SLC4A4: variants seen among roughly 807,000 people sequenced by gnomAD.
SLC4A4 encodes solute carrier family 4 member 4, also known as electrogenic sodium bicarbonate cotransporter 1.
A neutral mutation model predicts 111.5 loss-of-function variants in SLC4A4; 27 were observed. That is an observed-to-expected ratio of 0.24 (90% CI 0.18 to 0.33). SLC4A4 has a LOEUF of 0.33. Ranked by LOEUF, SLC4A4 falls within the 10% of genes least tolerant of loss-of-function variation. The probability of loss-of-function intolerance (pLI) is 1.00; values close to 1 mark genes in which losing one functional copy is unlikely to be tolerated. For missense variants in SLC4A4, 909 were observed against 1,315.5 expected, an observed-to-expected ratio of 0.69 and a Z score of 4.78; for synonymous variants, 443 against 463.4, an observed-to-expected ratio of 0.96 and a Z score of 0.57.
chr4:71,273,107 T>A (rs1722810533), intron 3 of SLC4A4, among the ~76,000 whole-genome samples: 1 of 152,204 alleles, frequency 6.6e-6, no homozygotes, highest in South Asian at 2.1e-4. Context: ...AATAGCTTAG[T>A]TAAGCCTCAT....
At chr4:71,255,988 T>A (rs1233450402) in intron 3 of SLC4A4, among the ~76,000 whole-genome samples, 24 of 152,176 alleles carry the variant, frequency 1.6e-4, no homozygotes, top group Non-Finnish European at 3.4e-4. Flanking sequence ...AAGAGCAGAA[T>A]AGCAGGAGGT....
intron 6 of SLC4A4, among the ~76,000 whole-genome samples, chr4:71,375,642 C>A (rs1732281127): frequency 6.6e-6 from 1 of 152,128 alleles, no homozygotes; most frequent in African/African-American, 2.4e-5. Flanking sequence ...GTCTTATTCC[C>A]TTTACTAGCT....
intron 3 of SLC4A4, among the ~76,000 whole-genome samples, chr4:71,303,500 T>G (rs1174724671): frequency 6.6e-6 from 1 of 152,234 alleles, no homozygotes; most frequent in African/African-American, 2.4e-5. Flanking sequence ...TCTTCCTGTC[T>G]ACACAGATGA....
rs148720320 is a variant in SLC4A4 at position 71,360,119 on chromosome 4, A to C, written c.730+2932A>C. ...TAAAACAAAGATAACGAATACTGAA[A>C]ATTTATTGCTTTCTGCCTGTTTCAC... On this transcript the variant is annotated intron_variant, in intron 6 of 25. Coordinates refer to ENST00000264485, the MANE Select transcript of SLC4A4 (RefSeq NM_001098484.3). Among the ~76,000 whole-genome samples, 15 of 152,258 alleles carry C rather than the reference A, an allele frequency of 9.9e-5. 1 individual carries two copies. In the East Asian group the frequency reaches 2.3e-3, roughly 23 times the overall value.
At chr4:71,090,113 G>C (rs1009778558) in intron 1 of SLC4A4, among the ~76,000 whole-genome samples, 3 of 152,044 alleles carry the variant, frequency 2.0e-5, no homozygotes, top group Non-Finnish European at 2.9e-5. Flanking sequence ...CACTCCCCCA[G>C]CCTCGCTGCC....
At position 71,281,928 on chromosome 4, in the gene SLC4A4, T is replaced by C. The variant is rs575607546; in HGVS notation, c.253+26529T>C. Among the ~76,000 whole-genome samples, 27 of 151,800 alleles carry C rather than the reference T, an allele frequency of 1.8e-4. 1 individual carries two copies. In the South Asian group the frequency reaches 5.6e-3, roughly 31 times the overall value. On this transcript the variant is annotated intron_variant, in intron 3 of 25. Coordinates refer to ENST00000264485, the MANE Select transcript of SLC4A4 (RefSeq NM_001098484.3). The stretch of plus-strand genomic sequence containing the variant: ...TTTGATCTCTTTTTTCTCTTTCTTT[T>C]TTTTTTTTTTGGTTTCCCTTTAATT...
At chr4:71,146,395 G>C (rs1459878564) in intron 2 of SLC4A4, among the ~76,000 whole-genome samples, 1 of 152,112 alleles carries the variant, frequency 6.6e-6, no homozygotes, top group Non-Finnish European at 1.5e-5. Flanking sequence ...GAATAGGTGT[G>C]GTGTGGTGCT....
chr4:71,278,580 C>T (rs1468340568), intron 3 of SLC4A4, among the ~76,000 whole-genome samples: 1 of 152,160 alleles, frequency 6.6e-6, no homozygotes, highest in Non-Finnish European at 1.5e-5. Flanking sequence ...CTAAGGGTTC[C>T]CTTTGCTTCA....
intron 2 of SLC4A4, among the ~76,000 whole-genome samples, chr4:71,152,515 T>A (rs868184114): frequency 8.5e-4 from 129 of 152,252 alleles, no homozygotes; most frequent in African/African-American, 3.0e-3. Flanking sequence ...CGTTTTCATA[T>A]CTGTATAATA....
chr4:71,384,301 C>A (rs369350243), intron 6 of SLC4A4, among the ~76,000 whole-genome samples: 12 of 152,168 alleles, frequency 7.9e-5, no homozygotes, highest in South Asian at 6.2e-4. Context: ...AGACTTACAG[C>A]ACTTTGGTCT....
intron 2 of SLC4A4, among the ~76,000 whole-genome samples, chr4:71,123,830 T>C (rs1743495157): frequency 2.0e-5 from 3 of 152,204 alleles, no homozygotes; most frequent in Non-Finnish European, 2.9e-5. Flanking sequence ...TATTTCTGTC[T>C]GAGATGGTTT....
At chr4:71,511,442 T>G (rs1258929929) in intron 16 of SLC4A4, among the ~76,000 whole-genome samples, 1 of 152,124 alleles carries the variant, frequency 6.6e-6, no homozygotes, top group Non-Finnish European at 1.5e-5. Flanking sequence ...TGTCTTTTAT[T>G]TTTCATTTTT....
At chr4:71,150,235 C>A (rs1424596113) in intron 2 of SLC4A4, among the ~76,000 whole-genome samples, 2 of 152,014 alleles carry the variant, frequency 1.3e-5, no homozygotes, top group African/African-American at 4.8e-5. Flanking sequence ...CCTAGGGAAA[C>A]AGAGTATCTG....
At position 71,421,743 on chromosome 4, in the gene SLC4A4, A is replaced by T. The variant is rs554329292; in HGVS notation, c.808-18873A>T. On this transcript the variant is annotated intron_variant, in intron 7 of 25. Transcript: ENST00000264485. Reference sequence around the variant, plus strand: ...ACCTGCTCCTGAATGACTACTGGGTACATAACAAAAGGAAGGCAGAAATAA... The same window carrying T: ...ACCTGCTCCTGAATGACTACTGGGTTCATAACAAAAGGAAGGCAGAAATAA... Among the ~76,000 whole-genome samples, 5 of 152,346 alleles carry T rather than the reference A, an allele frequency of 3.3e-5. No individual in the cohort carries two copies. The South Asian group carries it at 1.0e-3, about 32-fold the overall frequency.
At chr4:71,121,265 T>A (rs1379598885) in intron 2 of SLC4A4, among the ~76,000 whole-genome samples, 9 of 148,938 alleles carry the variant, frequency 6.0e-5, no homozygotes, top group Non-Finnish European at 1.3e-4. Flanking sequence ...GACTCCCCAA[T>A]GGGCACTGCC....
At chr4:71,253,397 T>C (rs1721215379) in intron 2 of SLC4A4, among the ~76,000 whole-genome samples, 1 of 152,172 alleles carries the variant, frequency 6.6e-6, no homozygotes, top group South Asian at 2.1e-4. Context: ...CATATGGCAA[T>C]ATAGCTTAAT....
chr4:71,148,819 T>C (rs1036632044), intron 2 of SLC4A4, among the ~76,000 whole-genome samples: 1 of 152,220 alleles, frequency 6.6e-6, no homozygotes, highest in African/African-American at 2.4e-5. Flanking sequence ...TTTGTGTTGA[T>C]TCAATATCCT....
At chr4:71,194,177 C>T (rs559832641) in intron 1 of SLC4A4, among the ~76,000 whole-genome samples, 1 of 152,172 alleles carries the variant, frequency 6.6e-6, no homozygotes, top group South Asian at 2.1e-4. Flanking sequence ...AAAAAACATC[C>T]GTGTCTTTTT....
intron 2 of SLC4A4, among the ~76,000 whole-genome samples, chr4:71,243,319 TA>T (rs1560807229): frequency 1.3e-5 from 2 of 152,188 alleles, no homozygotes; most frequent in African/African-American, 2.4e-5. Context: ...AGGTGCCAAT[TA>T]AATGAGATTA....
Sources: allele counts gnomAD v4.1 joint callset (sites outside exome capture counted in the v4.1 genomes callset), GRCh38; gene constraint gnomAD v4.1.1; transcripts MANE v1.5; gene names NCBI Gene and HGNC (gene_info 2026-07-23, HGNC 2026-07-21).